IFT88: variants seen among roughly 807,000 people sequenced by gnomAD.
IFT88 encodes intraflagellar transport protein 88 homolog.
IFT88 carries 74 observed loss-of-function variants against 119.5 expected under a neutral mutation model. That is an observed-to-expected ratio of 0.62 (90% CI 0.51 to 0.75). The LOEUF (loss-of-function observed/expected upper bound fraction) is 0.75. Ranked by LOEUF, IFT88 falls within the 30% of genes least tolerant of loss-of-function variation. IFT88 has a pLI of 0.00. For missense variants in IFT88, 961 were observed against 977.7 expected (o/e 0.98, Z 0.23); for synonymous variants, 279 against 316.7 (o/e 0.88, Z 1.26).
chr13:20,676,175 C>G (rs1220475437), intron 24 of IFT88, among the ~76,000 whole-genome samples: 1 of 152,174 alleles, frequency 6.6e-6, no homozygotes, highest in Non-Finnish European at 1.5e-5. Context: ...AGCCTGTTGC[C>G]CTGAGTTTTC....
intron 24 of IFT88, among the ~76,000 whole-genome samples, chr13:20,685,227 CT>C (rs2057773074): frequency 6.6e-6 from 1 of 152,310 alleles, no homozygotes; most frequent in East Asian, 1.9e-4. Flanking sequence ...TTGTTTATGG[CT>C]AGAGCAGTTT....
At chr13:20,588,591 A>T (rs1490912721) in intron 3 of IFT88, among the ~76,000 whole-genome samples, 1 of 152,236 alleles carries the variant, frequency 6.6e-6, no homozygotes, top group African/African-American at 2.4e-5. Context: ...ACTAAAATAA[A>T]TAAATTCTTG....
rs897741661 is a variant in IFT88 at position 20,664,893 on chromosome 13, C to T, written c.2175+1289C>T. ...AGGAGATCGAGACCATCCTGGCTAA[C>T]ACACTGAAACTCTGTCTCTACTAAA... is the stretch of plus-strand genomic sequence containing the variant. On this transcript the variant is annotated intron_variant, in intron 23 of 25. Coordinates refer to ENST00000351808, the MANE Select transcript of IFT88 (RefSeq NM_006531.5). Among the ~76,000 whole-genome samples the T allele has an allele frequency of 7.9e-5, 12 of 152,182 alleles. No homozygotes were observed. The East Asian group carries it at 1.7e-3, about 22-fold the overall frequency.
At chr13:20,680,026 A>G (rs528767252) in intron 24 of IFT88, among the ~76,000 whole-genome samples, 1 of 152,350 alleles carries the variant, frequency 6.6e-6, no homozygotes, top group South Asian at 2.1e-4. Flanking sequence ...CATATGAATC[A>G]TTACACAACA....
In IFT88 at chr13:20,591,581, C is replaced by A; in HGVS notation, c.265-37C>A. ...GCAGAACTGTACATAGGAGATAGAT[C>A]TTATTTAAGAATAAATGATTCCCAT... On this transcript the variant is annotated intron_variant, in intron 5 of 25. Coordinates refer to ENST00000351808, the MANE Select transcript of IFT88 (RefSeq NM_006531.5). 2.0e-6 allele frequency: 3 copies of A among 1,497,588 alleles called. 1 individual carries two copies. The South Asian group carries it at 3.4e-5, about 17-fold the overall frequency. 92.8% of individuals were successfully genotyped at this position (1,497,588 alleles called of 1,614,324 possible).
chr13:20,597,741 G>C (rs1189916310), intron 9 of IFT88, among the ~76,000 whole-genome samples: 1 of 139,202 alleles, frequency 7.2e-6, no homozygotes, highest in Non-Finnish European at 1.6e-5. Flanking sequence ...GCGAGACTCC[G>C]TCTCAAAAAA....
chr13:20,687,668 AATAT>A (rs1479888285), intron 24 of IFT88, among the ~76,000 whole-genome samples: 2 of 152,242 alleles, frequency 1.3e-5, no homozygotes, highest in Admixed American at 6.5e-5. Context: ...AGATAGTCTA[AATAT>A]TCAGGAAAAC....
At chr13:20,689,693 T>A (rs927842738) in intron 24 of IFT88, among the ~76,000 whole-genome samples, 2 of 152,220 alleles carry the variant, frequency 1.3e-5, no homozygotes, top group Non-Finnish European at 2.9e-5. Flanking sequence ...ATAGTTATTG[T>A]GTATATATTT....
chr13:20,636,209 G>A (rs935313767), intron 16 of IFT88, among the ~76,000 whole-genome samples: 14 of 152,068 alleles, frequency 9.2e-5, no homozygotes, highest in African/African-American at 2.9e-4. Context: ...AGCCCACTTC[G>A]CTACCTGGGA....
chr13:20,661,974 A>G (rs573718297), intron 22 of IFT88, among the ~76,000 whole-genome samples: 14 of 152,282 alleles, frequency 9.2e-5, no homozygotes, highest in African/African-American at 3.1e-4. Flanking sequence ...TGGATGTGAT[A>G]CAGCTAGATT....
At chr13:20,686,333 C>T (rs186592692) in intron 24 of IFT88, among the ~76,000 whole-genome samples, 1 of 152,130 alleles carries the variant, frequency 6.6e-6, no homozygotes, top group South Asian at 2.1e-4. Flanking sequence ...GCAGGAAAGG[C>T]AAGTACTTTT....
intron 17 of IFT88, among the ~76,000 whole-genome samples, chr13:20,639,171 T>G (rs1419828583): frequency 6.6e-6 from 1 of 152,194 alleles, no homozygotes; most frequent in Non-Finnish European, 1.5e-5. Context: ...TCTTCTGAAG[T>G]TTTCTTCTCC....
chr13:20,676,722 T>G (rs1263349680), intron 24 of IFT88, among the ~76,000 whole-genome samples: 3 of 152,276 alleles, frequency 2.0e-5, no homozygotes, highest in Non-Finnish European at 4.4e-5. Context: ...TTTACTTCAG[T>G]AATGCTGCTG....
At chr13:20,606,258 T>C (rs796811343) in intron 13 of IFT88, among the ~76,000 whole-genome samples, 26 of 152,212 alleles carry the variant, frequency 1.7e-4, no homozygotes, top group African/African-American at 6.3e-4. Context: ...CCCCAACCCT[T>C]TCTCCTTGGG....
At chr13:20,682,699 G>GT (rs2057459009) in intron 24 of IFT88, among the ~76,000 whole-genome samples, 1 of 152,180 alleles carries the variant, frequency 6.6e-6, no homozygotes, top group Non-Finnish European at 1.5e-5. Flanking sequence ...TATTTCCCAA[G>GT]TCGGGGCAGC....
intron 2 of IFT88, among the ~76,000 whole-genome samples, chr13:20,580,760 C>G (rs1008881526): frequency 3.7e-5 from 5 of 135,180 alleles, no homozygotes; most frequent in African/African-American, 1.4e-4. Context: ...GAGTCTCGCT[C>G]TGTAGCCCAG....
chr13:20,684,781 C>A (rs990552379), intron 24 of IFT88, among the ~76,000 whole-genome samples: 1 of 152,232 alleles, frequency 6.6e-6, no homozygotes, highest in Non-Finnish European at 1.5e-5. Flanking sequence ...TCCGAGCTCC[C>A]CTTCTTACTC....
intron 1 of IFT88, chr13:20,567,741 G>T: frequency 7.6e-7 from 1 of 1,310,216 alleles, no homozygotes; most frequent in Non-Finnish European, 9.7e-7. Flanking sequence ...AATGCAGAAA[G>T]CGGTACTTAG....
At chr13:20,618,233 T>C (rs1262720473) in intron 14 of IFT88, among the ~76,000 whole-genome samples, 1 of 152,218 alleles carries the variant, frequency 6.6e-6, no homozygotes, top group East Asian at 1.9e-4. Context: ...TCAAAACTTT[T>C]TTATGTAGCA....
Sources: gnomAD v4.1 joint callset for allele counts (sites outside exome capture counted in the v4.1 genomes callset) on GRCh38, gnomAD v4.1.1 for gene constraint, MANE v1.5 for transcripts, NCBI Gene and HGNC (gene_info 2026-07-23, HGNC 2026-07-21) for gene names.